Variants in PXDNL observed in about 807,000 individuals in gnomAD.
PXDNL encodes probable oxidoreductase PXDNL.
In PXDNL, 145 loss-of-function variants were observed where a neutral mutation model predicts 150.8. That is an observed-to-expected ratio of 0.96 (90% CI 0.84 to 1.10). The LOEUF (loss-of-function observed/expected upper bound fraction) is 1.10, where lower values mean the gene tolerates loss of function less well. Ranked by LOEUF, PXDNL falls within the 50% of genes least tolerant of loss-of-function variation. PXDNL has a pLI of 0.00. For missense variants in PXDNL, 2,087 were observed against 1,873.9 expected (o/e 1.11, Z -2.10); for synonymous variants, 757 against 725.7 (o/e 1.04, Z -0.69).
At chr8:51,630,337 A>T (rs1302548537) in intron 2 of PXDNL, among the ~76,000 whole-genome samples, 1 of 152,230 alleles carries the variant, frequency 6.6e-6, no homozygotes, top group East Asian at 1.9e-4. Flanking sequence ...AAACCTTGTA[A>T]GATAACCTAG....
At chr8:51,476,723 A>G (rs542035537) in intron 6 of PXDNL, among the ~76,000 whole-genome samples, 56 of 152,220 alleles carry the variant, frequency 3.7e-4, no homozygotes, top group Non-Finnish European at 7.6e-4. Flanking sequence ...AGTAGAATTC[A>G]CAAGTCTGTC....
At position 51,529,784 on chromosome 8, in the gene PXDNL, C is replaced by T. The variant is rs113704818; in HGVS notation, c.380+27056G>A. The stretch of plus-strand genomic sequence containing the variant: ...CCAACCTGAGTTCCCAGTCTCTCCC[C>T]ACAACCACACCCCTTCCATTCTTCC... On this transcript the variant is annotated intron_variant, in intron 4 of 22. Coordinates refer to ENST00000356297, the MANE Select transcript of PXDNL (RefSeq NM_144651.5). Among the ~76,000 whole-genome samples, 307 of 152,308 alleles carry T rather than the reference C, an allele frequency of 2.0e-3. 1 individual carries two copies. Among genetic ancestry groups the T allele is most frequent in the African/African-American group, 6.8e-3 (283 of 41,568 alleles).
chr8:51,775,269 G>T (rs1388299654), intron 1 of PXDNL, among the ~76,000 whole-genome samples: 1 of 152,148 alleles, frequency 6.6e-6, no homozygotes, highest in African/African-American at 2.4e-5. Context: ...ATTCCCCAAA[G>T]AGAAGAAGCT....
chr8:51,406,436 G>T (rs775816005), intron 17 of PXDNL, among the ~76,000 whole-genome samples: 5 of 152,096 alleles, frequency 3.3e-5, no homozygotes, highest in Non-Finnish European at 7.4e-5. Context: ...ACCATGTCAG[G>T]GAAGAGTCTC....
At chr8:51,704,974 T>C (rs1331477580) in intron 1 of PXDNL, among the ~76,000 whole-genome samples, 1 of 152,246 alleles carries the variant, frequency 6.6e-6, no homozygotes, top group African/African-American at 2.4e-5. Flanking sequence ...TCAGGGATAC[T>C]GGAGCCATTC....
At chr8:51,715,149 C>G (rs998853724) in intron 1 of PXDNL, among the ~76,000 whole-genome samples, 3 of 152,142 alleles carry the variant, frequency 2.0e-5, no homozygotes, top group African/African-American at 7.2e-5. Context: ...ACTCTGACAA[C>G]TCAACAACAA....
At position 51,506,845 on chromosome 8, in the gene PXDNL, A is replaced by C. The variant is rs183566676; in HGVS notation, c.381-7075T>G. ...TAGCAGGAATTCAAGGCTTTTCAAGATTGAGCGCCAACCTGTGACTTTCCC... is the reference window on the plus strand; with the variant it reads ...TAGCAGGAATTCAAGGCTTTTCAAGCTTGAGCGCCAACCTGTGACTTTCCC... On this transcript the variant is annotated intron_variant, in intron 4 of 22. Coordinates refer to ENST00000356297, the MANE Select transcript of PXDNL (RefSeq NM_144651.5). Among the ~76,000 whole-genome samples, 43 of 152,286 alleles carry C rather than the reference A, an allele frequency of 2.8e-4. 1 individual carries two copies. Among genetic ancestry groups the C allele is most frequent in the African/African-American group, 9.6e-4 (40 of 41,586 alleles).
intron 17 of PXDNL, among the ~76,000 whole-genome samples, chr8:51,397,955 G>A (rs1043953710): frequency 6.6e-6 from 1 of 151,282 alleles, no homozygotes; most frequent in African/African-American, 2.4e-5. Context: ...AGTTAATTAT[G>A]GTAAAAATCT....
intron 19 of PXDNL, among the ~76,000 whole-genome samples, chr8:51,367,062 C>G (rs1367168564): frequency 2.1e-5 from 3 of 143,310 alleles, no homozygotes; most frequent in Non-Finnish European, 4.5e-5. Flanking sequence ...GATCACACCA[C>G]TGCACTCCAG....
chr8:51,526,357 T>A (rs77019634), intron 4 of PXDNL, among the ~76,000 whole-genome samples: 60 of 152,218 alleles, frequency 3.9e-4, no homozygotes, highest in African/African-American at 9.6e-4. Context: ...CTTTTTTTTT[T>A]AAATTTCATT....
intron 17 of PXDNL, among the ~76,000 whole-genome samples, chr8:51,406,609 C>T (rs1370818367): frequency 6.6e-6 from 1 of 152,194 alleles, no homozygotes; most frequent in Non-Finnish European, 1.5e-5. Context: ...ACCCCAGATG[C>T]CACCTGGTGT....
intron 4 of PXDNL, among the ~76,000 whole-genome samples, chr8:51,518,744 T>G (rs1488811159): frequency 6.6e-6 from 1 of 152,186 alleles, no homozygotes; most frequent in Non-Finnish European, 1.5e-5. Context: ...TTCATCACTG[T>G]AGGAGACATG....
At chr8:51,705,506 G>C (rs1032973462) in intron 1 of PXDNL, among the ~76,000 whole-genome samples, 2 of 152,196 alleles carry the variant, frequency 1.3e-5, no homozygotes, top group African/African-American at 4.8e-5. Context: ...ACTTGTACTG[G>C]CTAACTCTGA....
chr8:51,436,135 T>C (rs1809401864), intron 12 of PXDNL: 10 of 514,746 alleles, frequency 1.9e-5, no homozygotes, highest in South Asian at 1.4e-4. Context: ...ATTACTACAT[T>C]ATGCTTTGTT....
In PXDNL at chr8:51,555,110, C is replaced by T. The variant is rs114624625; in HGVS notation, c.380+1730G>A. Among the ~76,000 whole-genome samples, 603 of 152,198 alleles carry T rather than the reference C, an allele frequency of 4.0e-3. 7 individuals are homozygous for T. Among genetic ancestry groups the T allele is most frequent in the African/African-American group, 0.014 (583 of 41,530 alleles). On this transcript the variant is annotated intron_variant, in intron 4 of 22. Transcript: ENST00000356297. ...GAGTAATTCATAATGAACAGAAATT[C>T]GTTGGCTCACAATTCTAGAGGATGG...
At chr8:51,766,639 G>A (rs951341622) in intron 1 of PXDNL, among the ~76,000 whole-genome samples, 4 of 152,070 alleles carry the variant, frequency 2.6e-5, no homozygotes, top group East Asian at 3.9e-4. Context: ...TTCTTTCTAC[G>A]CTTTGAGTAT....
At chr8:51,574,789 C>A (rs1477454576) in intron 3 of PXDNL, among the ~76,000 whole-genome samples, 2 of 151,822 alleles carry the variant, frequency 1.3e-5, no homozygotes, top group Admixed American at 1.3e-4. Flanking sequence ...ATTTGTCAAC[C>A]CAGAATCCTA....
intron 3 of PXDNL, 133 bp from the exon 4 acceptor site, chr8:51,557,044 A>G: frequency 1.7e-6 from 1 of 597,506 alleles, no homozygotes; most frequent in South Asian, 2.2e-5. Context: ...CTAACAATAT[A>G]TAGAAACTGT....
At chr8:51,434,206 G>A (rs1448935776) in intron 12 of PXDNL, among the ~76,000 whole-genome samples, 1 of 152,088 alleles carries the variant, frequency 6.6e-6, no homozygotes, top group Non-Finnish European at 1.5e-5. Context: ...TTGAAGAATC[G>A]ATTCCAGCGT....
Sources: allele counts gnomAD v4.1 joint callset (sites outside exome capture counted in the v4.1 genomes callset), GRCh38; gene constraint gnomAD v4.1.1; transcripts MANE v1.5; gene names NCBI Gene and HGNC (gene_info 2026-07-23, HGNC 2026-07-21).